CPXM2: variants seen among roughly 807,000 people sequenced by gnomAD.
The protein encoded by CPXM2 is carboxypeptidase X, M14 family member 2.
In CPXM2, 66 loss-of-function variants were observed where a neutral mutation model predicts 86.1. The ratio of observed to expected loss-of-function variants is 0.77; its 90% CI spans 0.63 to 0.94. CPXM2 has a LOEUF of 0.94. CPXM2 is among the 40% of genes least tolerant of loss of function. The probability of loss-of-function intolerance (pLI) is 0.00; values close to 1 mark genes in which losing one functional copy is unlikely to be tolerated. For missense variants in CPXM2, 948 were observed against 1,026.3 expected, an observed-to-expected ratio of 0.92 and a Z score of 1.04; for synonymous variants, 388 against 400.2, an observed-to-expected ratio of 0.97 and a Z score of 0.36.
chr10:123,875,704 G>C (rs1033082926), intron 2 of CPXM2, among the ~76,000 whole-genome samples: 4 of 152,048 alleles, frequency 2.6e-5, no homozygotes, highest in African/African-American at 9.7e-5. Flanking sequence ...TTCCAGTCAA[G>C]GCATGAGGGA....
At chr10:123,942,948 ATACT>A (rs1468114381), upstream of CPXM2, among the ~76,000 whole-genome samples, 3 of 152,200 alleles carry the variant, frequency 2.0e-5, no homozygotes, top group African/African-American at 7.2e-5. Context: ...AGTTACACAA[ATACT>A]TACTATTGTG....
chr10:123,783,213 GC>G (rs1199053445), intron 6 of CPXM2, among the ~76,000 whole-genome samples: 2 of 152,234 alleles, frequency 1.3e-5, no homozygotes, highest in Non-Finnish European at 2.9e-5. Flanking sequence ...GGCCCATGCC[GC>G]TGTTCTGCCT....
At chr10:123,920,815 G>A (rs1223037952) in intron 2 of CPXM2, among the ~76,000 whole-genome samples, 1 of 152,132 alleles carries the variant, frequency 6.6e-6, no homozygotes, top group East Asian at 1.9e-4. Flanking sequence ...GTGGGAGTGG[G>A]TTCCTTATAA....
chr10:123,939,079 A>T (rs1462736628), intron 2 of CPXM2, among the ~76,000 whole-genome samples: 1 of 152,202 alleles, frequency 6.6e-6, no homozygotes, highest in Non-Finnish European at 1.5e-5. Flanking sequence ...TGTCAGGGAC[A>T]TAAAGCCACG....
At chr10:123,915,654 C>G (rs558100394) in intron 2 of CPXM2, among the ~76,000 whole-genome samples, 1 of 152,180 alleles carries the variant, frequency 6.6e-6, no homozygotes, top group South Asian at 2.1e-4. Context: ...TAGTTTGTTG[C>G]CTTGTATGAT....
intron 6 of CPXM2, among the ~76,000 whole-genome samples, chr10:123,785,129 A>G (rs144780185): frequency 1.3e-5 from 2 of 152,166 alleles, no homozygotes; most frequent in African/African-American, 4.8e-5. Context: ...TTTGATTTTC[A>G]ATACATCTCT....
At chr10:123,797,482 C>A (rs552339720) in intron 6 of CPXM2, among the ~76,000 whole-genome samples, 1 of 152,194 alleles carries the variant, frequency 6.6e-6, no homozygotes, top group Non-Finnish European at 1.5e-5. Context: ...GAAATGTTTA[C>A]TCATTTTCTT....
At chr10:123,795,838 C>T (rs1184641983) in intron 6 of CPXM2, among the ~76,000 whole-genome samples, 2 of 152,144 alleles carry the variant, frequency 1.3e-5, no homozygotes, top group East Asian at 3.8e-4. Context: ...TTCAAACACG[C>T]ACACACCAAG....
At chr10:123,864,076 G>A (rs767647867) in intron 2 of CPXM2, among the ~76,000 whole-genome samples, 3 of 152,136 alleles carry the variant, frequency 2.0e-5, no homozygotes, top group Non-Finnish European at 4.4e-5. Context: ...AAGCTCTTGG[G>A]CTCCCTAAGC....
Position 123,891,679 on chromosome 10 carries a change from C to T in CPXM2, c.-20G>A. 7.3e-7 allele frequency: 1 copy of T among 1,364,562 alleles called. No homozygotes were observed. Among genetic ancestry groups the T allele is most frequent in the Non-Finnish European group, 9.4e-7 (1 of 1,059,942 alleles). 84.5% of individuals were successfully genotyped at this position (1,364,562 alleles called of 1,614,324 possible). ...GGACATGCCTGCTCCGCCCCGCGCC[C>T]AGGGCAGGGTCACGGTCACCGGGGG... On this transcript the variant is annotated 5_prime_UTR_variant, in exon 1 of 14. Transcript: ENST00000241305. This position sits in a 1 kb window ranked among gnomAD's most constrained non-coding sequence, Gnocchi z 5.6.
intron 8 of CPXM2, chr10:123,769,383 T>A (rs1001199238): frequency 6.6e-6 from 1 of 152,306 alleles, no homozygotes; most frequent in African/African-American, 2.4e-5. Flanking sequence ...AAGACCAGCC[T>A]GGGCAACATG....
At chr10:123,772,432 T>C (rs1846663908) in intron 7 of CPXM2, among the ~76,000 whole-genome samples, 1 of 151,634 alleles carries the variant, frequency 6.6e-6, no homozygotes, top group African/African-American at 2.4e-5. Context: ...TGGGTGTAGT[T>C]ATCACCTCCC....
At chr10:123,937,470 A>AACACACACACACACACAC (rs201368456) in intron 2 of CPXM2, among the ~76,000 whole-genome samples, 155 of 132,660 alleles carry the variant, frequency 1.2e-3, no homozygotes, top group Non-Finnish European at 1.8e-3. Flanking sequence ...ACAACAAAAC[A>AACACACACACACACACAC]ACACACACAC....
chr10:123,818,105 CTG>C (rs1241056282), intron 4 of CPXM2, among the ~76,000 whole-genome samples: 1 of 152,162 alleles, frequency 6.6e-6, no homozygotes, highest in African/African-American at 2.4e-5. Context: ...TAGTCAAAAA[CTG>C]TGAAGATATT....
intron 3 of CPXM2, among the ~76,000 whole-genome samples, chr10:123,858,065 G>A (rs953568217): frequency 3.3e-5 from 5 of 152,198 alleles, no homozygotes; most frequent in South Asian, 2.1e-4. Flanking sequence ...GCTGGTGCTC[G>A]GCCCCACAGA....
At chr10:123,845,121 C>T (rs1278780451) in intron 3 of CPXM2, among the ~76,000 whole-genome samples, 3 of 150,208 alleles carry the variant, frequency 2.0e-5, no homozygotes, top group Non-Finnish European at 3.0e-5. Context: ...CCCCACTCCA[C>T]AGAGGACCTG....
At chr10:123,847,599 C>T (rs962682751) in intron 3 of CPXM2, among the ~76,000 whole-genome samples, 1 of 152,090 alleles carries the variant, frequency 6.6e-6, no homozygotes, top group Non-Finnish European at 1.5e-5. Flanking sequence ...GTAGCTGTGC[C>T]ATCCACAGTG....
intron 4 of CPXM2, among the ~76,000 whole-genome samples, chr10:123,807,930 G>A (rs1252723816): frequency 2.0e-5 from 3 of 152,110 alleles, no homozygotes; most frequent in African/African-American, 7.2e-5. Flanking sequence ...TGCAACTGGA[G>A]GTTACGAACT....
intron 2 of CPXM2, among the ~76,000 whole-genome samples, chr10:123,872,959 C>T (rs1451372513): frequency 2.0e-5 from 3 of 151,190 alleles, no homozygotes; most frequent in Middle Eastern, 3.2e-3. Flanking sequence ...AAAGGATAAG[C>T]AGAAAAATAT....
Sources: gnomAD v4.1 joint callset for allele counts (sites outside exome capture counted in the v4.1 genomes callset) on GRCh38, gnomAD v4.1.1 for gene constraint, Gnocchi (gnomAD v3.1) non-coding constraint, MANE v1.5 for transcripts, NCBI Gene and HGNC (gene_info 2026-07-23, HGNC 2026-07-21) for gene names.